OR2C1: variants seen among roughly 807,000 people sequenced by gnomAD.
The protein encoded by OR2C1 is olfactory receptor family 2 subfamily C member 1.
For synonymous variants in OR2C1, 209 were observed against 167.3 expected, an observed-to-expected ratio of 1.25 and a Z score of -1.92; for missense variants, 468 against 388.3, an observed-to-expected ratio of 1.21 and a Z score of -1.73.
At chr16:3,344,737 A>G in the OR2C1 span, among the ~76,000 whole-genome samples, 1 of 98,702 alleles carries the variant, frequency 1.0e-5, no homozygotes, top group South Asian at 3.5e-4. Context: ...CAAAAAAAAA[A>G]TTTTTTTTGA....
downstream of OR2C1, among the ~76,000 whole-genome samples, chr16:3,357,673 C>T (rs142094811): frequency 3.9e-5 from 6 of 152,302 alleles, no homozygotes; most frequent in African/African-American, 1.4e-4. Context: ...CGCACCTGGC[C>T]TGTCTCTTCT....
At chr16:3,353,222 T>C (rs1381358749), upstream of OR2C1, among the ~76,000 whole-genome samples, 1 of 151,776 alleles carries the variant, frequency 6.6e-6, no homozygotes, top group Non-Finnish European at 1.5e-5. Flanking sequence ...CCGGTCGCGG[T>C]GGCTCACGCC....
At chr16:3,339,025 C>G in the OR2C1 span, among the ~76,000 whole-genome samples, 1 of 152,262 alleles carries the variant, frequency 6.6e-6, no homozygotes, top group Admixed American at 6.5e-5. Context: ...TTCCCCTCCC[C>G]ACAGTCCTTG....
At chr16:3,338,126 C>A in the OR2C1 span, among the ~76,000 whole-genome samples, 1 of 152,134 alleles carries the variant, frequency 6.6e-6, no homozygotes. Flanking sequence ...GGTTTGGGTC[C>A]AGAGCACCCG....
upstream of OR2C1, among the ~76,000 whole-genome samples, chr16:3,351,199 CTTTTTTCT>C (rs2030567236): frequency 8.9e-5 from 4 of 44,746 alleles, no homozygotes; most frequent in Non-Finnish European, 1.4e-4. Flanking sequence ...GAATTTAAGT[CTTTTTTCT>C]TTTTTTCTTT....
upstream of OR2C1, among the ~76,000 whole-genome samples, chr16:3,351,231 T>C (rs934469909): frequency 6.8e-3 from 894 of 132,276 alleles, 29 homozygotes; most frequent in Non-Finnish European, 0.011. Flanking sequence ...TTTTTCTTTT[T>C]TTTTTTTTTT....
chr16:3,343,986 A>T, the OR2C1 span, among the ~76,000 whole-genome samples: 2 of 152,182 alleles, frequency 1.3e-5, no homozygotes, highest in African/African-American at 2.4e-5. Context: ...TGGGAGGCCA[A>T]TGTGGGGGGA....
chr16:3,343,308 C>T, the OR2C1 span, among the ~76,000 whole-genome samples: 4 of 152,162 alleles, frequency 2.6e-5, no homozygotes, highest in East Asian at 7.7e-4. Context: ...CTGTGTTGCC[C>T]AGGCTGGTCT....
At chr16:3,323,001 A>G in the OR2C1 span, 79 of 874,358 alleles carry the variant, frequency 9.0e-5, no homozygotes, top group Non-Finnish European at 1.0e-4. Flanking sequence ...TTGGAACTGG[A>G]CTGTGATGAG....
the OR2C1 span, among the ~76,000 whole-genome samples, chr16:3,341,333 T>C: frequency 1.3e-5 from 2 of 152,188 alleles, no homozygotes; most frequent in Non-Finnish European, 2.9e-5. Context: ...TTATTAGTTT[T>C]AGTAGTTTTT....
the OR2C1 span, among the ~76,000 whole-genome samples, chr16:3,348,468 C>G: frequency 6.6e-6 from 1 of 152,260 alleles, no homozygotes; most frequent in East Asian, 1.9e-4. Flanking sequence ...GCCTGAGTTC[C>G]TCTATTGTAA....
At chr16:3,332,105 C>T in the OR2C1 span, among the ~76,000 whole-genome samples, 4 of 146,816 alleles carry the variant, frequency 2.7e-5, no homozygotes, top group African/African-American at 1.0e-4. Context: ...AGGGATAGCA[C>T]TGGGAGATAT....
the OR2C1 span, among the ~76,000 whole-genome samples, chr16:3,333,423 C>G: frequency 8.6e-5 from 13 of 151,830 alleles, no homozygotes; most frequent in Non-Finnish European, 1.8e-4. Context: ...GCAAGCTCCG[C>G]CTCCCGGGTT....
At chr16:3,352,145 C>T (rs2030582133), upstream of OR2C1, among the ~76,000 whole-genome samples, 1 of 151,894 alleles carries the variant, frequency 6.6e-6, no homozygotes, top group Non-Finnish European at 1.5e-5. Context: ...GAGACAGAGT[C>T]TCCCTCTGTC....
At chr16:3,346,269 C>G in the OR2C1 span, among the ~76,000 whole-genome samples, 53 of 152,226 alleles carry the variant, frequency 3.5e-4, no homozygotes, top group African/African-American at 1.1e-3. Context: ...TCCCAAGTGA[C>G]TAAGACATGA....
chr16:3,346,356 C>G, the OR2C1 span, among the ~76,000 whole-genome samples: 1 of 152,114 alleles, frequency 6.6e-6, no homozygotes, highest in Non-Finnish European at 1.5e-5. Context: ...ACCTTAAAGG[C>G]AAAGTACAAA....
chr16:3,356,843 G>C lies in OR2C1; in HGVS notation c.903G>C (p.Leu301=). 6.2e-7 allele frequency: 1 copy of C among 1,607,268 alleles called. No individual in the cohort carries two copies. ...TLRNMEVKGA[L]RRLLGKGREV... ...GGAACATGGAAGTGAAGGGCGCACTGAGGAGGTTGCTGGGGAAAGGAAGAG... is the reference window on the plus strand; with the variant it reads ...GGAACATGGAAGTGAAGGGCGCACTCAGGAGGTTGCTGGGGAAAGGAAGAG... Residue 301 remains leucine (L), a synonymous_variant, in exon 1 of 1, where the codon CTG becomes CTC. Transcript: ENST00000304936.
chr16:3,338,538 C>CTTTTTTTTTTTTTTTTTTTTTT, the OR2C1 span, among the ~76,000 whole-genome samples: 1 of 103,288 alleles, frequency 9.7e-6, no homozygotes, highest in Non-Finnish European at 1.8e-5. Flanking sequence ...GTATAGGTAC[C>CTTTTTTTTTTTTTTTTTTTTTT]TTTTTTTTTT....
chr16:3,341,828 G>A, the OR2C1 span, among the ~76,000 whole-genome samples: 1 of 152,122 alleles, frequency 6.6e-6, no homozygotes, highest in Non-Finnish European at 1.5e-5. Flanking sequence ...TTGATTATTA[G>A]CTCCGTATTC....
Sources: gnomAD v4.1 joint callset for allele counts (sites outside exome capture counted in the v4.1 genomes callset) on GRCh38, gnomAD v4.1.1 for gene constraint, MANE v1.5 for transcripts, NCBI Gene and HGNC (gene_info 2026-07-23, HGNC 2026-07-21) for gene names.